NMT1: variants seen among roughly 807,000 people sequenced by gnomAD.
NMT1 encodes glycylpeptide N-tetradecanoyltransferase 1.
Under a neutral mutation model 63.4 loss-of-function variants are expected in NMT1, and 12 were observed. The ratio of observed to expected loss-of-function variants is 0.19; its 90% CI spans 0.12 to 0.31. The LOEUF (loss-of-function observed/expected upper bound fraction) is 0.31, where lower values mean the gene tolerates loss of function less well. NMT1 is among the 10% of genes least tolerant of loss of function. The pLI is 1.00. For missense variants in NMT1, 432 were observed against 634.6 expected (o/e 0.68, Z 3.43); for synonymous variants, 228 against 234.3 (o/e 0.97, Z 0.25).
At chr17:45,084,804 ACT>A (rs2054041553) in intron 2 of NMT1, among the ~76,000 whole-genome samples, 1 of 151,778 alleles carries the variant, frequency 6.6e-6, no homozygotes, top group African/African-American at 2.4e-5. Context: ...GTCAGGAGCT[ACT>A]CTCATACACT....
intron 1 of NMT1, among the ~76,000 whole-genome samples, chr17:45,080,465 CTTTTTTT>C (rs35346554): frequency 2.8e-5 from 2 of 70,196 alleles, no homozygotes; most frequent in Admixed American, 3.2e-4. Flanking sequence ...CAGCCTTTTC[CTTTTTTT>C]TTTTTTTTTT....
At chr17:45,098,605 TGAG>T in intron 7 of NMT1, 53 bp downstream of exon 7, 2 of 1,529,686 alleles carry the variant, frequency 1.3e-6, no homozygotes, top group South Asian at 1.1e-5. Flanking sequence ...GCACTGTAGT[TGAG>T]GAGCATGTGC....
chr17:45,075,734 C>T (rs551163864), intron 1 of NMT1, among the ~76,000 whole-genome samples: 2 of 151,966 alleles, frequency 1.3e-5, no homozygotes, highest in Admixed American at 6.6e-5. Flanking sequence ...CACGGCACTG[C>T]ACTCCAGGCT....
chr17:45,079,097 T>C (rs2143475088), intron 1 of NMT1, among the ~76,000 whole-genome samples: 1 of 151,470 alleles, frequency 6.6e-6, no homozygotes, highest in African/African-American at 2.4e-5. Context: ...TCTTTTCTTT[T>C]CTTTTTCTTT....
intron 2 of NMT1, among the ~76,000 whole-genome samples, chr17:45,082,655 G>A (rs2054024191): frequency 1.3e-5 from 2 of 152,186 alleles, no homozygotes; most frequent in African/African-American, 4.8e-5. Context: ...GGTAAGTGTT[G>A]TCTTCTTCAA....
At chr17:45,062,129 A>G (rs2053867325) in intron 1 of NMT1, among the ~76,000 whole-genome samples, 1 of 152,210 alleles carries the variant, frequency 6.6e-6, no homozygotes, top group Admixed American at 6.6e-5. Flanking sequence ...GCTTCAAGAA[A>G]TGAGCGATGT....
chr17:45,081,771 T>G lies in NMT1; in HGVS notation c.240+19T>G, dbSNP rs777218079. On this transcript the variant is annotated intron_variant, in intron 2 of 11. Transcript: ENST00000258960. ...TGTGAAGGTAACAAGGAGGTTCTGT[T>G]TTTTGTGACTCAGTCACTTTTTCAC... 1 of 1,522,292 alleles carries G rather than the reference T, an allele frequency of 6.6e-7. No individual in the cohort carries two copies. The highest frequency in any genetic ancestry group is 8.9e-7 in the Non-Finnish European group (1 of 1,128,778). 94.3% of individuals were successfully genotyped at this position (1,522,292 alleles called of 1,614,324 possible).
chr17:45,085,374 A>C (rs1303053804), intron 2 of NMT1, among the ~76,000 whole-genome samples: 2 of 152,348 alleles, frequency 1.3e-5, no homozygotes, highest in Admixed American at 1.3e-4. Context: ...ACTTGGTAGA[A>C]TGGGTAGGTC....
At chr17:45,099,125 G>C (rs2054144754) in intron 7 of NMT1, among the ~76,000 whole-genome samples, 1 of 152,182 alleles carries the variant, frequency 6.6e-6, no homozygotes, top group Admixed American at 6.5e-5. Context: ...CCGTTGACTT[G>C]ATTCTAGGAG....
chr17:45,075,313 G>A lies in NMT1; in HGVS notation c.132-6331G>A, dbSNP rs750214048. Among the ~76,000 whole-genome samples the A allele has an allele frequency of 2.0e-5, 3 of 151,744 alleles. No homozygotes were observed. The East Asian group carries it at 5.8e-4, about 29-fold the overall frequency. ...AGACTGGCCAACATGGTGAAACCCC[G>A]TCTCTACTAAAAATATAAAAATTAG... On this transcript the variant is annotated intron_variant, in intron 1 of 11. Transcript: ENST00000258960.
At chr17:45,074,893 C>T (rs531011709) in intron 1 of NMT1, among the ~76,000 whole-genome samples, 1 of 152,340 alleles carries the variant, frequency 6.6e-6, no homozygotes, top group Non-Finnish European at 1.5e-5. Context: ...GATTCCCACC[C>T]AGTGGGTGTG....
intron 3 of NMT1, among the ~76,000 whole-genome samples, chr17:45,086,997 G>T (rs1296844383): frequency 1.1e-5 from 1 of 93,004 alleles, no homozygotes; most frequent in African/African-American, 4.5e-5. Context: ...TCCACAAAAA[G>T]TAAAAAAAAA....
intron 1 of NMT1, 113 bp downstream of exon 1, chr17:45,061,573 C>T: frequency 1.1e-6 from 1 of 897,756 alleles, no homozygotes; most frequent in Non-Finnish European, 1.7e-6. Context: ...TTCTTATTGG[C>T]TAAGTCACTA....
Position 45,105,759 on chromosome 17 carries a change from A to T in NMT1, c.*120A>T. 9.7e-7 allele frequency: 1 copy of T among 1,027,102 alleles called. No homozygotes were observed. The highest frequency in any genetic ancestry group is 1.4e-6 in the Non-Finnish European group (1 of 690,858). The allele number at this position is 1,027,102 out of a possible 1,614,324, so 63.6% of individuals were successfully genotyped here. ...ATCCCTGGCAAAGGGAGCAGAACTG[A>T]ACCGGCTTTACCAAACCGCCAGCGA... On this transcript the variant is annotated 3_prime_UTR_variant, in exon 12 of 12. Transcript: ENST00000258960. This position sits in a 1 kb window ranked among gnomAD's most constrained non-coding sequence, Gnocchi z 4.2.
intron 2 of NMT1, among the ~76,000 whole-genome samples, chr17:45,084,574 C>A (rs1180363935): frequency 6.6e-6 from 1 of 151,856 alleles, no homozygotes; most frequent in Non-Finnish European, 1.5e-5. Context: ...ACCTCGTGAT[C>A]CACCCGCCTC....
At position 45,104,598 on chromosome 17, in the gene NMT1, A is replaced by G; in HGVS notation, c.1333-261A>G. ...GTTTCAGGGAGGCATAACCAGGAAT[A>G]GCAAGAGCCCCGGCCTGGACACTGA... On this transcript the variant is annotated intron_variant, in intron 10 of 11. Coordinates refer to ENST00000258960, the MANE Select transcript of NMT1 (RefSeq NM_021079.5). This position sits in a 1 kb window ranked among gnomAD's most constrained non-coding sequence, Gnocchi z 4.2. 1.6e-6 allele frequency: 2 copies of G among 1,260,270 alleles called. No individual in the cohort carries two copies. The highest frequency in any genetic ancestry group is 4.7e-5 in the South Asian group (2 of 42,278). The allele number at this position is 1,260,270 out of a possible 1,614,324, so 78.1% of individuals were successfully genotyped here.
Position 45,086,607 on chromosome 17 carries a change from A to T in NMT1, c.340A>T (p.Lys114Ter), listed in dbSNP as rs2054056697. 3 of 1,613,680 alleles carry T rather than the reference A, an allele frequency of 1.9e-6. No homozygotes were observed. Among genetic ancestry groups the T allele is most frequent in the Non-Finnish European group, 2.5e-6 (3 of 1,179,810 alleles). The change falls in exon 3 of 12, where the codon AAG becomes TAG. Residue 114 changes from lysine to a stop codon, truncating the protein, a stop_gained. Transcript: ENST00000258960. LOFTEE classifies it high-confidence loss of function. ...GPAKTMEEAS[K>*]RSYQFWDTQP... The stretch of plus-strand genomic sequence containing the variant: ...TGCCAAAACCATGGAGGAGGCTAGC[A>T]AGCGAAGCTACCAGTTCTGGGATAC...
chr17:45,076,452 A>C (rs111439215), intron 1 of NMT1, among the ~76,000 whole-genome samples: 16,132 of 139,254 alleles, frequency 0.12, 898 homozygotes, highest in Middle Eastern at 0.2. Context: ...CTCATTAAAG[A>C]AAAAAAAAAA....
chr17:45,094,888 C>T (rs1349348056), intron 4 of NMT1, among the ~76,000 whole-genome samples: 1 of 148,734 alleles, frequency 6.7e-6, no homozygotes, highest in Non-Finnish European at 1.5e-5. Context: ...TCTTGGCTTA[C>T]CCCAACCTCC....
Sources: allele counts gnomAD v4.1 joint callset (sites outside exome capture counted in the v4.1 genomes callset), GRCh38; gene constraint gnomAD v4.1.1; non-coding constraint Gnocchi (gnomAD v3.1); transcripts MANE v1.5; gene names NCBI Gene and HGNC (gene_info 2026-07-23, HGNC 2026-07-21).